The following PDE10A variants were observed in gnomAD, a reference collection of about 807,000 sequenced individuals.
The protein encoded by PDE10A is phosphodiesterase 10A, also known as cAMP and cAMP-inhibited cGMP 3',5'-cyclic phosphodiesterase 10A.
In PDE10A, 39 loss-of-function variants were observed where a neutral mutation model predicts 97.7. The ratio of observed to expected loss-of-function variants is 0.40; its 90% CI spans 0.31 to 0.52. The LOEUF is 0.52. PDE10A is among the 20% of genes least tolerant of loss of function. The pLI is 0.56. For synonymous variants in PDE10A, 371 were observed against 376.8 expected (o/e 0.98, Z 0.18); for missense variants, 731 against 1,047.8 (o/e 0.70, Z 4.17).
intron 1 of PDE10A, among the ~76,000 whole-genome samples, chr6:165,574,054 C>A (rs1215732457): frequency 2.0e-5 from 3 of 152,202 alleles, no homozygotes; most frequent in Non-Finnish European, 2.9e-5. Context: ...AGGAGCGAAG[C>A]AGGTTTTAGC....
chr6:165,822,898 G>C (rs560705460), intron 1 of PDE10A, among the ~76,000 whole-genome samples: 11 of 151,838 alleles, frequency 7.2e-5, no homozygotes, highest in African/African-American at 2.4e-4. Flanking sequence ...GCAGTGGCGC[G>C]ATCTCAGCTC....
chr6:165,772,088 C>T (rs1345011207), intron 1 of PDE10A, among the ~76,000 whole-genome samples: 1 of 152,126 alleles, frequency 6.6e-6, no homozygotes, highest in Non-Finnish European at 1.5e-5. Flanking sequence ...TTCGTATTTC[C>T]GTGAAACTAA....
intron 1 of PDE10A, among the ~76,000 whole-genome samples, chr6:165,777,034 T>C (rs1459524408): frequency 6.6e-6 from 1 of 152,184 alleles, no homozygotes; most frequent in East Asian, 1.9e-4. Context: ...AATTGTAAAG[T>C]GAGGGCGAGG....
At chr6:165,772,024 G>T (rs573959832) in intron 1 of PDE10A, among the ~76,000 whole-genome samples, 3 of 152,142 alleles carry the variant, frequency 2.0e-5, no homozygotes, top group Non-Finnish European at 4.4e-5. Context: ...TCTTTTCACC[G>T]CCCTGTCTTT....
intron 1 of PDE10A, among the ~76,000 whole-genome samples, chr6:165,782,567 C>A (rs1352419562): frequency 2.0e-5 from 3 of 152,202 alleles, no homozygotes; most frequent in Non-Finnish European, 4.4e-5. Context: ...CAGAAATGAA[C>A]ATTGGACTCA....
At chr6:165,381,978 T>C (rs1410435130) in intron 17 of PDE10A, among the ~76,000 whole-genome samples, 5 of 152,146 alleles carry the variant, frequency 3.3e-5, no homozygotes, top group African/African-American at 4.8e-5. Flanking sequence ...AATTTTACTA[T>C]AGTTACATAG....
At chr6:165,852,228 G>A (rs1276409989) in intron 1 of PDE10A, among the ~76,000 whole-genome samples, 1 of 152,214 alleles carries the variant, frequency 6.6e-6, no homozygotes, top group African/African-American at 2.4e-5. Context: ...AGCAGCTCCT[G>A]TTCTTGAGGT....
chr6:165,937,567 T>C (rs73254566), intron 1 of PDE10A, among the ~76,000 whole-genome samples: 4,404 of 152,276 alleles, frequency 0.029, 98 homozygotes, highest in African/African-American at 0.066. Context: ...ATTGGAAGAG[T>C]TGGTACATGT....
chr6:165,527,423 G>A (rs1782511993), intron 2 of PDE10A, among the ~76,000 whole-genome samples: 1 of 152,172 alleles, frequency 6.6e-6, no homozygotes, highest in Admixed American at 6.5e-5. Context: ...TAGTAGACAG[G>A]GATGCTGTTT....
intron 1 of PDE10A, among the ~76,000 whole-genome samples, chr6:165,727,916 G>C (rs1792338722): frequency 1.3e-5 from 2 of 151,946 alleles, no homozygotes; most frequent in Non-Finnish European, 1.5e-5. Context: ...AGGAGGAAAG[G>C]AAAAAAAGAA....
At chr6:165,482,582 G>C (rs542201971) in intron 2 of PDE10A, among the ~76,000 whole-genome samples, 8 of 152,136 alleles carry the variant, frequency 5.3e-5, no homozygotes, top group Non-Finnish European at 1.0e-4. Flanking sequence ...CCTTTCTAGA[G>C]GTTCTAAAAT....
At chr6:165,447,242 C>A (rs572354944) in intron 5 of PDE10A, among the ~76,000 whole-genome samples, 1 of 152,238 alleles carries the variant, frequency 6.6e-6, no homozygotes, top group Non-Finnish European at 1.5e-5. Flanking sequence ...TCTCTGCCCG[C>A]AGCTGTCTCT....
At chr6:165,364,789 A>G (rs1180042275) in intron 18 of PDE10A, among the ~76,000 whole-genome samples, 2 of 152,212 alleles carry the variant, frequency 1.3e-5, no homozygotes, top group African/African-American at 4.8e-5. Context: ...AGAAGTCTCT[A>G]GGAACAAAAT....
chr6:165,457,321 G>A (rs1450119758), intron 3 of PDE10A, among the ~76,000 whole-genome samples: 7 of 146,394 alleles, frequency 4.8e-5, no homozygotes, highest in African/African-American at 1.8e-4. Flanking sequence ...CGTAATTCGA[G>A]ACGAGTTAAA....
At chr6:165,856,604 T>C (rs1780743844) in intron 1 of PDE10A, among the ~76,000 whole-genome samples, 1 of 152,214 alleles carries the variant, frequency 6.6e-6, no homozygotes, top group Admixed American at 6.5e-5. Flanking sequence ...TTCTCCTAAG[T>C]TTTAAAGATC....
chr6:165,655,118 A>G lies in PDE10A; in HGVS notation c.865+6829T>C, dbSNP rs1029992254. Among the ~76,000 whole-genome samples, 1 of 152,150 alleles carries G rather than the reference A, an allele frequency of 6.6e-6. No homozygotes were observed. The highest frequency in any genetic ancestry group is 1.5e-5 in the Non-Finnish European group (1 of 68,034). On this transcript the variant is annotated intron_variant, in intron 1 of 21. Transcript: ENST00000539869. This position sits in a 1 kb window ranked among gnomAD's most constrained non-coding sequence, Gnocchi z 4.5. ...CGTGTCAAACTTCAGCCAGGCACTTACATTGCACCCAGCTATGGTTGATTA... is the reference window on the plus strand; with the variant it reads ...CGTGTCAAACTTCAGCCAGGCACTTGCATTGCACCCAGCTATGGTTGATTA...
intron 18 of PDE10A, among the ~76,000 whole-genome samples, chr6:165,368,320 T>C (rs900196461): frequency 2.2e-4 from 34 of 152,342 alleles, no homozygotes; most frequent in African/African-American, 7.5e-4. Flanking sequence ...TCTTTAATAA[T>C]TGATTCATTA....
intron 1 of PDE10A, among the ~76,000 whole-genome samples, chr6:165,585,208 G>A (rs1317612418): frequency 6.6e-6 from 1 of 152,180 alleles, no homozygotes; most frequent in Non-Finnish European, 1.5e-5. Context: ...TAAGATAGCT[G>A]CATCATGTCC....
At chr6:165,584,086 C>A (rs1446202641) in intron 1 of PDE10A, among the ~76,000 whole-genome samples, 1 of 152,164 alleles carries the variant, frequency 6.6e-6, no homozygotes, top group African/African-American at 2.4e-5. Flanking sequence ...CTGCTACTAT[C>A]GGGTATTCTG....
Sources: allele counts gnomAD v4.1 joint callset (sites outside exome capture counted in the v4.1 genomes callset), GRCh38; gene constraint gnomAD v4.1.1; non-coding constraint Gnocchi (gnomAD v3.1); transcripts MANE v1.5; gene names NCBI Gene and HGNC (gene_info 2026-07-23, HGNC 2026-07-21).